ADAMTS3: variants seen among roughly 807,000 people sequenced by gnomAD.
ADAMTS3 encodes the protein ADAM metallopeptidase with thrombospondin type 1 motif 3, also known as A disintegrin and metalloproteinase with thrombospondin motifs 3.
A neutral mutation model predicts 129.0 loss-of-function variants in ADAMTS3; 73 were observed. The observed-to-expected ratio is 0.57, with a 90% CI of 0.47 to 0.69. The LOEUF is 0.69. Among genes scored for constraint, ADAMTS3 ranks in the 30% least tolerant of loss-of-function variants. The pLI, the probability that ADAMTS3 is intolerant of heterozygous loss-of-function variation, is 0.00. For synonymous variants in ADAMTS3, 477 were observed against 510.8 expected (o/e 0.93, Z 0.89); for missense variants, 1,457 against 1,514.5 (o/e 0.96, Z 0.63).
At chr4:72,459,427 C>A (rs1049294157) in intron 3 of ADAMTS3, among the ~76,000 whole-genome samples, 20 of 151,528 alleles carry the variant, frequency 1.3e-4, no homozygotes, top group Non-Finnish European at 2.1e-4. Context: ...TAGCAATAAA[C>A]GCAAATTATC....
intron 4 of ADAMTS3, among the ~76,000 whole-genome samples, chr4:72,365,946 C>T (rs1373173641): frequency 6.6e-6 from 1 of 152,068 alleles, no homozygotes; most frequent in South Asian, 2.1e-4. Context: ...AAAAGAAAAT[C>T]GTAAGTTCTC....
At chr4:72,557,367 T>A (rs1424804731) in intron 2 of ADAMTS3, among the ~76,000 whole-genome samples, 2 of 151,924 alleles carry the variant, frequency 1.3e-5, no homozygotes, top group East Asian at 3.9e-4. Context: ...ATGGTACACA[T>A]CTTCCCTCAA....
At chr4:72,493,499 C>A (rs1320339106) in intron 3 of ADAMTS3, among the ~76,000 whole-genome samples, 1 of 151,992 alleles carries the variant, frequency 6.6e-6, no homozygotes, top group African/African-American at 2.4e-5. Context: ...AAACACTATA[C>A]TTTTACTCCT....
At chr4:72,289,008 G>A in intron 20 of ADAMTS3, 140 bp from the exon 21 acceptor site, 1 of 585,846 alleles carries the variant, frequency 1.7e-6, no homozygotes, top group East Asian at 2.9e-5. Flanking sequence ...ATTAAGTAAT[G>A]CTGCACAGTG....
At chr4:72,529,720 TATTA>T (rs1182906157) in intron 3 of ADAMTS3, among the ~76,000 whole-genome samples, 8 of 101,212 alleles carry the variant, frequency 7.9e-5, no homozygotes, top group African/African-American at 2.9e-4. Context: ...ATATAATATA[TATTA>T]ATTAATATAT....
intron 12 of ADAMTS3, 29 bp from the exon 13 acceptor site, chr4:72,312,495 C>A (rs748662025): frequency 1.2e-6 from 2 of 1,608,312 alleles, no homozygotes; most frequent in African/African-American, 2.7e-5. Context: ...TTAAAAAGGC[C>A]TTTTGGCTTC....
intron 17 of ADAMTS3, among the ~76,000 whole-genome samples, chr4:72,302,781 C>T (rs761179496): frequency 2.0e-5 from 3 of 152,110 alleles, no homozygotes; most frequent in African/African-American, 4.8e-5. Flanking sequence ...CCAGAGAAAA[C>T]TGACACATTA....
At chr4:72,485,393 A>T (rs1275389491) in intron 3 of ADAMTS3, among the ~76,000 whole-genome samples, 3 of 152,168 alleles carry the variant, frequency 2.0e-5, no homozygotes, top group Non-Finnish European at 4.4e-5. Context: ...ATAAATTTTT[A>T]AAATTTTGAT....
chr4:72,480,098 G>C (rs1719386081), intron 3 of ADAMTS3, among the ~76,000 whole-genome samples: 2 of 152,202 alleles, frequency 1.3e-5, no homozygotes, highest in African/African-American at 2.4e-5. Flanking sequence ...CTGTTGGTGG[G>C]ACTGTAAACG....
At chr4:72,488,029 G>A (rs1187912045) in intron 3 of ADAMTS3, among the ~76,000 whole-genome samples, 2 of 151,958 alleles carry the variant, frequency 1.3e-5, no homozygotes, top group African/African-American at 4.8e-5. Flanking sequence ...TTGGTTATGA[G>A]TCCATAAATT....
At chr4:72,535,455 T>C (rs1305848856) in intron 3 of ADAMTS3, among the ~76,000 whole-genome samples, 2 of 152,140 alleles carry the variant, frequency 1.3e-5, no homozygotes, top group Non-Finnish European at 2.9e-5. Context: ...AACAGTACAG[T>C]CCTCTCAATC....
At chr4:72,300,326 G>A (rs1437150277) in intron 17 of ADAMTS3, among the ~76,000 whole-genome samples, 1 of 151,994 alleles carries the variant, frequency 6.6e-6, no homozygotes, top group Non-Finnish European at 1.5e-5. Context: ...CACACCACTT[G>A]CTGTGGTCAG....
chr4:72,543,283 T>C (rs1212906352), intron 3 of ADAMTS3, among the ~76,000 whole-genome samples: 1 of 152,068 alleles, frequency 6.6e-6, no homozygotes, highest in African/African-American at 2.4e-5. Context: ...CTAATACAGC[T>C]ACCATGGGGA....
At chr4:72,477,190 C>T (rs773416895) in intron 3 of ADAMTS3, among the ~76,000 whole-genome samples, 4 of 152,064 alleles carry the variant, frequency 2.6e-5, no homozygotes, top group Non-Finnish European at 5.9e-5. Flanking sequence ...ACCAAGCGGA[C>T]CTAATAGACA....
intron 2 of ADAMTS3, among the ~76,000 whole-genome samples, chr4:72,566,124 C>T (rs950438009): frequency 1.3e-5 from 2 of 152,120 alleles, no homozygotes; most frequent in African/African-American, 4.8e-5. Context: ...ACTTTTAGGG[C>T]AGTTCTCAGT....
intron 3 of ADAMTS3, among the ~76,000 whole-genome samples, chr4:72,487,347 G>A (rs1578726745): frequency 6.6e-6 from 1 of 152,080 alleles, no homozygotes; most frequent in Admixed American, 6.6e-5. Context: ...CAAAAAATTT[G>A]CAGCAAGTAT....
intron 3 of ADAMTS3, among the ~76,000 whole-genome samples, chr4:72,492,848 G>T (rs1021220975): frequency 6.6e-6 from 1 of 151,724 alleles, no homozygotes; most frequent in African/African-American, 2.4e-5. Flanking sequence ...TCTGCCTTCA[G>T]ATCTATCAAT....
chr4:72,550,106 GA>G (rs1721606495), intron 2 of ADAMTS3, among the ~76,000 whole-genome samples: 2 of 137,074 alleles, frequency 1.5e-5, no homozygotes, highest in Non-Finnish European at 3.1e-5. Context: ...AGAAGAAGAA[GA>G]AGAAGAAGAA....
At chr4:72,517,214 G>A (rs1288491416) in intron 3 of ADAMTS3, among the ~76,000 whole-genome samples, 2 of 152,126 alleles carry the variant, frequency 1.3e-5, no homozygotes, top group Admixed American at 6.5e-5. Context: ...TAAGCTTTTT[G>A]ATGTGCTGCT....
Sources: gnomAD v4.1 joint callset for allele counts (sites outside exome capture counted in the v4.1 genomes callset) on GRCh38, gnomAD v4.1.1 for gene constraint, MANE v1.5 for transcripts, NCBI Gene and HGNC (gene_info 2026-07-23, HGNC 2026-07-21) for gene names.